HOXA7: variants seen among roughly 807,000 people sequenced by gnomAD.
HOXA7 encodes the protein homeobox protein Hox-A7.
Under a neutral mutation model 16.8 loss-of-function variants are expected in HOXA7, and 16 were observed. The ratio of observed to expected loss-of-function variants is 0.95; its 90% CI spans 0.64 to 1.44. The LOEUF (loss-of-function observed/expected upper bound fraction) is 1.44. Ranked by LOEUF, HOXA7 falls within the 40% of genes most tolerant of loss-of-function variation. HOXA7 has a pLI of 0.00. For missense variants in HOXA7, 379 were observed against 328.6 expected, an observed-to-expected ratio of 1.15 and a Z score of -1.19; for synonymous variants, 169 against 144.3, an observed-to-expected ratio of 1.17 and a Z score of -1.23.
Position 27,154,690 on chromosome 7 carries a change from G to A in HOXA7, c.*219C>T. On this transcript the variant is annotated 3_prime_UTR_variant, in exon 2 of 2. Transcript: ENST00000242159. ...TCCTCGGAGGCAGAGGGAATCCAAG[G>A]CGACCCAGTCTCTGCGGCCGCTCAG... 1 of 656,374 alleles carries A rather than the reference G, an allele frequency of 1.5e-6. No homozygotes were observed. The highest frequency in any genetic ancestry group is 3.4e-5 in the Admixed American group (1 of 29,302). The allele number at this position is 656,374 out of a possible 1,614,324, so 40.7% of individuals were successfully genotyped here. A position where few individuals can be genotyped will look rare whatever the true frequency, so the allele number is the denominator to read the frequency against.
At position 27,155,014 on chromosome 7, in the gene HOXA7, G is replaced by A. The variant is rs143104338; in HGVS notation, c.588C>T (p.Ala196=). 223 of 1,614,110 alleles carry A rather than the reference G, an allele frequency of 1.4e-4. 2 individuals carry two copies. The African/African-American group carries it at 2.5e-3, about 18-fold the overall frequency. Residue 196 remains alanine (A), a synonymous_variant, in exon 2 of 2, where the codon GCC becomes GCT. Coordinates refer to ENST00000242159, the MANE Select transcript of HOXA7 (RefSeq NM_006896.4). ...KKEHKDEGPT[A]AAAPEGAVPS... is the part of the protein sequence containing the mutation. Reference sequence around the variant, plus strand: ...GCACGGCGCCCTCGGGAGCTGCGGCGGCAGTCGGACCTTCGTCCTTATGCT... The same window carrying A: ...GCACGGCGCCCTCGGGAGCTGCGGCAGCAGTCGGACCTTCGTCCTTATGCT...
In HOXA7 at chr7:27,154,850, G is replaced by C; in HGVS notation, c.*59C>G. 1 of 1,528,522 alleles carries C rather than the reference G, an allele frequency of 6.5e-7. No homozygotes were observed. Among genetic ancestry groups the C allele is most frequent in the Non-Finnish European group, 8.8e-7 (1 of 1,140,772 alleles). 94.7% of individuals were successfully genotyped at this position (1,528,522 alleles called of 1,614,324 possible). ...TCCCATTTTTGTAAGTAAAACCAGT[G>C]AGTCTCTTAAAGACGCTTTTCCGAC... On this transcript the variant is annotated 3_prime_UTR_variant, in exon 2 of 2. Transcript: ENST00000242159.
intron 1 of HOXA7, chr7:27,155,859 C>G: frequency 3.4e-6 from 1 of 298,048 alleles, no homozygotes; most frequent in Middle Eastern, 9.1e-4. Flanking sequence ...GACAGAATAG[C>G]GAACAAACTT....
chr7:27,156,029 G>T, intron 1 of HOXA7, 138 bp downstream of exon 1: 1 of 991,052 alleles, frequency 1.0e-6, no homozygotes. Flanking sequence ...GCTGCGCCGG[G>T]AGTCACGGGG....
chr7:27,155,144 C>G lies in HOXA7; in HGVS notation c.458G>C (p.Arg153Pro), dbSNP rs1179211280. The change falls in exon 2 of 2, where the codon CGC becomes CCC. Residue 153 changes from arginine (R) to proline (P), a missense_variant. Physicochemically the swap from Arg to Pro is moderately radical, Grantham distance 103. Transcript: ENST00000242159. ...LELEKEFHFNRYLTRRRRIEI... is the reference protein window; with the variant it reads ...LELEKEFHFNPYLTRRRRIEI... ...AATGCGGCGGCGCCGCGTCAGGTAGCGGTTGAAGTGGAACTCCTTCTCCAG... is the reference window on the plus strand; with the variant it reads ...AATGCGGCGGCGCCGCGTCAGGTAGGGGTTGAAGTGGAACTCCTTCTCCAG... 1 of 1,614,266 alleles carries G rather than the reference C, an allele frequency of 6.2e-7. No homozygotes were observed. Among genetic ancestry groups the G allele is most frequent in the Non-Finnish European group, 8.5e-7 (1 of 1,180,060 alleles).
chr7:27,155,095 G>A lies in HOXA7; in HGVS notation c.507C>T (p.Leu169=), dbSNP rs150261196. 6.2e-7 allele frequency: 1 copy of A among 1,614,148 alleles called. No homozygotes were observed. Among genetic ancestry groups the A allele is most frequent in the African/African-American group, 1.3e-5 (1 of 74,946 alleles). ...ACCAGATCTTAATCTGGCGCTCGGT[G>A]AGGCAGAGCGCGTGGGCGATTTCAA... ...RRIEIAHALC[L]TERQIKIWFQ... is the part of the protein sequence containing the mutation. Residue 169 remains leucine (L), a synonymous_variant, in exon 2 of 2, where the codon CTC becomes CTT. Coordinates refer to ENST00000242159, the MANE Select transcript of HOXA7 (RefSeq NM_006896.4).
rs773692924 is a variant in HOXA7, at chr7:27,156,595, G to T, written c.-50C>A. 2 of 1,521,834 alleles carry T rather than the reference G, an allele frequency of 1.3e-6. No individual in the cohort carries two copies. Among genetic ancestry groups the T allele is most frequent in the Non-Finnish European group, 8.8e-7 (1 of 1,130,168 alleles). The allele number at this position is 1,521,834 out of a possible 1,614,324, so 94.3% of individuals were successfully genotyped here. A position where few individuals can be genotyped will look rare whatever the true frequency, so the allele number is the denominator to read the frequency against. On this transcript the variant is annotated 5_prime_UTR_variant, in exon 1 of 2. Transcript: ENST00000242159. ...CGGCAGCTTTCAGTGTCGGTTTTAC[G>T]AGGTAGAGTGATATATGATAACATT...
Position 27,155,168 on chromosome 7 carries a change from A to G in HOXA7, c.434T>C (p.Leu145Pro). 1 of 1,614,240 alleles carries G rather than the reference A, an allele frequency of 6.2e-7. No homozygotes were observed. Among genetic ancestry groups the G allele is most frequent in the Non-Finnish European group, 8.5e-7 (1 of 1,180,040 alleles). Residue 145 changes from leucine (L) to proline (P), a missense_variant, in exon 2 of 2, where the codon CTG becomes CCG. By Grantham distance (98) the Leu-to-Pro change is moderately conservative. Coordinates refer to ENST00000242159, the MANE Select transcript of HOXA7 (RefSeq NM_006896.4). ...GCGGTTGAAGTGGAACTCCTTCTCC[A>G]GCTCCAGCGTCTGGTAGCGCGTGTA... ...QTYTRYQTLE[L>P]EKEFHFNRYL...
In HOXA7 at chr7:27,154,619, G is replaced by T. The variant is rs576756642; in HGVS notation, c.*290C>A. The T allele has an allele frequency of 6.6e-6, 3 of 453,250 alleles. No homozygotes were observed. The highest frequency in any genetic ancestry group is 3.8e-5 in the East Asian group (1 of 25,998). The allele number at this position is 453,250 out of a possible 1,614,324, so 28.1% of individuals were successfully genotyped here. A position where few individuals can be genotyped will look rare whatever the true frequency, so the allele number is the denominator to read the frequency against. ...CTGTGCTAGGTAGTATTTTGGACGC[G>T]CCAGAGCAGGGCCGGCTGGCCTGGG... On this transcript the variant is annotated 3_prime_UTR_variant, in exon 2 of 2. Coordinates refer to ENST00000242159, the MANE Select transcript of HOXA7 (RefSeq NM_006896.4).
Position 27,153,979 on chromosome 7 carries a change from A to G in HOXA7, c.*930T>C, listed in dbSNP as rs955604338. 4 of 152,308 alleles carry G rather than the reference A, an allele frequency of 2.6e-5. No homozygotes were observed. 9.4% of individuals were successfully genotyped at this position (152,308 alleles called of 1,614,324 possible). Reference sequence around the variant, plus strand: ...AATGAACTCCAAGACTATAGAAATGATAAAAAAAAATCTTGTTCAAATATA... The same window carrying G: ...AATGAACTCCAAGACTATAGAAATGGTAAAAAAAAATCTTGTTCAAATATA... On this transcript the variant is annotated 3_prime_UTR_variant, in exon 2 of 2. Transcript: ENST00000242159.
In HOXA7 at chr7:27,154,657, T is replaced by C; in HGVS notation, c.*252A>G. 1 of 558,696 alleles carries C rather than the reference T, an allele frequency of 1.8e-6. No homozygotes were observed. The highest frequency in any genetic ancestry group is 2.4e-5 in the South Asian group (1 of 41,138). 34.6% of individuals were successfully genotyped at this position (558,696 alleles called of 1,614,324 possible). The stretch of plus-strand genomic sequence containing the variant: ...CGGCTGGCCTGGGGTTGGGGGTGTC[T>C]TTTGGGGTCCTCGGAGGCAGAGGGA... On this transcript the variant is annotated 3_prime_UTR_variant, in exon 2 of 2. Coordinates refer to ENST00000242159, the MANE Select transcript of HOXA7 (RefSeq NM_006896.4).
rs778284810 is a variant in HOXA7, at chr7:27,154,923, C to T, written c.679G>A (p.Asp227Asn). 7 of 1,609,500 alleles carry T rather than the reference C, an allele frequency of 4.3e-6. No individual in the cohort carries two copies. The highest frequency in any genetic ancestry group is 3.3e-5 in the Admixed American group (2 of 59,776). Residue 227 changes from aspartate (D) to asparagine (N), a missense_variant, in exon 2 of 2, where the codon GAC becomes AAC. By Grantham distance (23) the Asp-to-Asn change is conservative (BLOSUM62 1). Coordinates refer to ENST00000242159, the MANE Select transcript of HOXA7 (RefSeq NM_006896.4). Reference protein sequence around the residue: ...DEEDDDEEEEDEEE With the variant: ...DEEDDDEEEENEEE ...GGATCGGCCCCTCATTCCTCCTCGT[C>T]TTCCTCTTCTTCATCATCGTCCTCC...
Position 27,154,078 on chromosome 7 carries a change from A to G in HOXA7, c.*831T>C, listed in dbSNP as rs899866326. 6.6e-6 allele frequency: 1 copy of G among 152,338 alleles called. No homozygotes were observed. The highest frequency in any genetic ancestry group is 2.1e-4 in the South Asian group (1 of 4,836). 9.4% of individuals were successfully genotyped at this position (152,338 alleles called of 1,614,324 possible). On this transcript the variant is annotated 3_prime_UTR_variant, in exon 2 of 2. Coordinates refer to ENST00000242159, the MANE Select transcript of HOXA7 (RefSeq NM_006896.4). ...CTGAACAGTAAGATACAGGAGCCAG[A>G]GGAAAGGACAGCGAAGCTGGAAGCA...
rs1284749326 is a variant in HOXA7 at position 27,156,473 on chromosome 7, C to T, written c.73G>A (p.Glu25Lys). 6.2e-7 allele frequency: 1 copy of T among 1,611,692 alleles called. No individual in the cohort carries two copies. The highest frequency in any genetic ancestry group is 8.5e-7 in the Non-Finnish European group (1 of 1,178,486). Residue 25 changes from glutamate to lysine, a missense_variant, in exon 1 of 2, where the codon GAG becomes AAG. Glu to Lys is a moderately conservative substitution (Grantham distance 56, BLOSUM62 1). Coordinates refer to ENST00000242159, the MANE Select transcript of HOXA7 (RefSeq NM_006896.4). ...GGAGCAAAGGAGCAAGAAGTCGGCT[C>T]GGCATTTTGGAACAGAGAAGCCCCC... ...TAGASLFQNA[E>K]PTSCSFAPNS...
Position 27,156,271 on chromosome 7 carries a change from A to C in HOXA7, c.275T>G (p.Leu92Arg), listed in dbSNP as rs2128066380. 1.2e-6 allele frequency: 2 copies of C among 1,613,034 alleles called. No homozygotes were observed. The highest frequency in any genetic ancestry group is 1.3e-5 in the African/African-American group (1 of 75,068). ...GGCGCCTTTGGCGAGGTCACTGCAG[A>C]GCCCGGGGATGTTTTGGTCGTAGGA... Reference protein sequence around the residue: ...CASYDQNIPGLCSDLAKGACD... With the variant: ...CASYDQNIPGRCSDLAKGACD... Residue 92 changes from leucine to arginine, a missense_variant, in exon 1 of 2, where the codon CTC becomes CGC. By Grantham distance (102) the Leu-to-Arg change is moderately radical. Coordinates refer to ENST00000242159, the MANE Select transcript of HOXA7 (RefSeq NM_006896.4).
At position 27,155,236 on chromosome 7, in the gene HOXA7, T is replaced by G; in HGVS notation, c.380-14A>C. 4 of 1,611,484 alleles carry G rather than the reference T, an allele frequency of 2.5e-6. No homozygotes were observed. The highest frequency in any genetic ancestry group is 3.4e-6 in the Non-Finnish European group (4 of 1,177,742). On this transcript the variant is annotated splice_polypyrimidine_tract_variant and intron_variant, in intron 1 of 1. Transcript: ENST00000242159. ...TCCTGTCAGGTCCTGAGAACAGACATGCAGACACATGAACACAAGGACAGA... is the reference window on the plus strand; with the variant it reads ...TCCTGTCAGGTCCTGAGAACAGACAGGCAGACACATGAACACAAGGACAGA...
In HOXA7 at chr7:27,156,662, G is replaced by T; in HGVS notation, c.-117C>A. The stretch of plus-strand genomic sequence containing the variant: ...ACCAAACCCCATTTTCTTTTGGACG[G>T]AGCTCGCCGCAGCACGTGACCGCCC... On this transcript the variant is annotated 5_prime_UTR_variant, in exon 1 of 2. Coordinates refer to ENST00000242159, the MANE Select transcript of HOXA7 (RefSeq NM_006896.4). The T allele has an allele frequency of 8.5e-7, 1 of 1,181,650 alleles. No individual in the cohort carries two copies. Among genetic ancestry groups the T allele is most frequent in the Non-Finnish European group, 1.2e-6 (1 of 842,894 alleles). 73.2% of individuals were successfully genotyped at this position (1,181,650 alleles called of 1,614,324 possible).
At chr7:27,155,338 C>A in intron 1 of HOXA7, 116 bp from the exon 2 acceptor site, 2 of 965,110 alleles carry the variant, frequency 2.1e-6, no homozygotes, top group Non-Finnish European at 3.2e-6. Flanking sequence ...AGCGAGCATC[C>A]CCCTCTGCCC....
At position 27,156,224 on chromosome 7, in the gene HOXA7, C is replaced by A. The variant is rs1000360737; in HGVS notation, c.322G>T (p.Ala108Ser). The change falls in exon 1 of 2, where the codon GCG (alanine) becomes TCG (serine). Residue 108 changes from alanine to serine, a missense_variant. By Grantham distance (99) the Ala-to-Ser change is moderately conservative. Transcript: ENST00000242159. ...KGACDKTDEG[A>S]LHGAAEANFR... ...TTGGCCTCAGCCGCGCCATGCAGCG[C>A]GCCCTCGTCCGTCTTGTCGCAGGCG... is the stretch of plus-strand genomic sequence containing the variant. 1.9e-6 allele frequency: 3 copies of A among 1,601,718 alleles called. No individual in the cohort carries two copies. The highest frequency in any genetic ancestry group is 2.7e-5 in the African/African-American group (2 of 74,738).
Sources: allele counts gnomAD v4.1 joint callset, GRCh38; gene constraint gnomAD v4.1.1; transcripts MANE v1.5; gene names NCBI Gene and HGNC (gene_info 2026-07-23, HGNC 2026-07-21).